The following POLK variants were observed in gnomAD, a reference collection of about 807,000 sequenced individuals.
POLK encodes the protein DNA polymerase kappa.
POLK carries 76 observed loss-of-function variants against 94.0 expected under a neutral mutation model. The observed-to-expected ratio is 0.81, with a 90% CI of 0.67 to 0.98. POLK has a LOEUF of 0.98. POLK is among the 50% of genes least tolerant of loss of function. POLK has a pLI of 0.00. For synonymous variants in POLK, 349 were observed against 325.4 expected (o/e 1.07, Z -0.78); for missense variants, 954 against 1,010.1 (o/e 0.94, Z 0.75).
chr5:75,550,511 G>A (rs933558508), intron 2 of POLK, among the ~76,000 whole-genome samples: 1 of 152,082 alleles, frequency 6.6e-6, no homozygotes, highest in Non-Finnish European at 1.5e-5. Flanking sequence ...TCCTGGAGGT[G>A]GAGGTTGCAG....
chr5:75,577,028 A>G (rs1581062970), intron 6 of POLK, 95 bp downstream of exon 6: 1 of 696,312 alleles, frequency 1.4e-6, no homozygotes, highest in East Asian at 2.9e-5. Flanking sequence ...TAGCCTGCAT[A>G]GGTAGAAGGG....
chr5:75,576,701 A>G, intron 5 of POLK, 79 bp from the exon 6 acceptor site: 1 of 629,786 alleles, frequency 1.6e-6, no homozygotes, highest in Non-Finnish European at 2.5e-6. Context: ...AAGAATATTA[A>G]CATTTCTTAT....
Position 75,583,273 on chromosome 5 carries a change from CAGAGT to C in POLK, c.935-18_935-14del. ...ATACATATCAACTTCTTTGAGTCAT[CAGAGT>C]ATTCTTCTTTTAAGGCATTGCCCCA... On this transcript the variant is annotated splice_polypyrimidine_tract_variant and intron_variant, in intron 7 of 14. Coordinates refer to ENST00000241436, the Ensembl canonical transcript of POLK. 1 of 1,555,108 alleles carries C rather than the reference CAGAGT, an allele frequency of 6.4e-7. No homozygotes were observed. Among genetic ancestry groups the C allele is most frequent in the Non-Finnish European group, 8.7e-7 (1 of 1,149,986 alleles).
At chr5:75,525,188 T>C (rs1302418550) in intron 1 of POLK, among the ~76,000 whole-genome samples, 1 of 152,196 alleles carries the variant, frequency 6.6e-6, no homozygotes, top group African/African-American at 2.4e-5. Context: ...AGTCAACAGA[T>C]GGTAACCCCA....
At chr5:75,541,549 A>G (rs1441868746) in intron 1 of POLK, among the ~76,000 whole-genome samples, 6 of 152,222 alleles carry the variant, frequency 3.9e-5, no homozygotes, top group African/African-American at 1.4e-4. Flanking sequence ...GAAAGGCAGT[A>G]GAAGAGAATA....
upstream of POLK, chr5:75,511,328 G>T (rs539924208): frequency 2.7e-5 from 42 of 1,546,292 alleles, no homozygotes; most frequent in South Asian, 1.8e-4. Context: ...GCTCCGGTGT[G>T]GGGGGGAGCA....
chr5:75,597,996 C>G (rs769457645), exon 15 of POLK: 6 of 1,384,498 alleles, frequency 4.3e-6, no homozygotes, highest in Non-Finnish European at 5.9e-6. Flanking sequence ...CCCAAACATA[C>G]CCTTGATATA....
intron 1 of POLK, among the ~76,000 whole-genome samples, chr5:75,531,310 T>C (rs1178058714): frequency 6.9e-6 from 1 of 145,276 alleles, no homozygotes; most frequent in African/African-American, 2.5e-5. Context: ...CAATATACTA[T>C]ATATATTTAG....
At chr5:75,608,551 C>T in the POLK span, among the ~76,000 whole-genome samples, 2 of 151,978 alleles carry the variant, frequency 1.3e-5, no homozygotes, top group South Asian at 2.1e-4. Flanking sequence ...TTGTGGAAAC[C>T]GACACTAAAC....
intron 3 of POLK, among the ~76,000 whole-genome samples, chr5:75,555,847 A>G (rs528663159): frequency 1.1e-3 from 169 of 152,252 alleles, no homozygotes; most frequent in Non-Finnish European, 1.2e-3. Flanking sequence ...TACCACAGAC[A>G]ATTGAATAAT....
chr5:75,528,344 T>C (rs1459550367), intron 1 of POLK, among the ~76,000 whole-genome samples: 1 of 152,070 alleles, frequency 6.6e-6, no homozygotes, highest in Non-Finnish European at 1.5e-5. Flanking sequence ...TATGAAGAAA[T>C]AGACATAGAA....
chr5:75,557,842 C>T (rs548434508), intron 3 of POLK, among the ~76,000 whole-genome samples: 6 of 152,176 alleles, frequency 3.9e-5, no homozygotes, highest in East Asian at 1.9e-4. Context: ...CAGGCTGCTG[C>T]GTAGTGGGAT....
chr5:75,593,562 T>C (rs1015601948), intron 11 of POLK, among the ~76,000 whole-genome samples: 1 of 152,170 alleles, frequency 6.6e-6, no homozygotes, highest in Non-Finnish European at 1.5e-5. Flanking sequence ...TACAGAATAA[T>C]GTATTCTGGT....
downstream of POLK, among the ~76,000 whole-genome samples, chr5:75,605,466 T>C (rs1018467283): frequency 3.3e-5 from 5 of 152,128 alleles, no homozygotes; most frequent in African/African-American, 1.2e-4. Flanking sequence ...TCAAATCTAG[T>C]TCTCTTTTAT....
the POLK span, chr5:75,609,774 G>C: frequency 6.6e-6 from 1 of 151,870 alleles, no homozygotes; most frequent in African/African-American, 2.4e-5. Flanking sequence ...GGTTATGGGC[G>C]GTGTTCTGAT....
chr5:75,573,935 T>C, intron 5 of POLK, 66 bp downstream of exon 5: 1 of 1,522,836 alleles, frequency 6.6e-7, no homozygotes, highest in South Asian at 1.1e-5. Context: ...GAATCTCAAG[T>C]CCAAGTGCCT....
exon 15 of POLK, chr5:75,600,507 C>G (rs1006437326): frequency 6.6e-6 from 1 of 152,114 alleles, no homozygotes; most frequent in Admixed American, 6.5e-5. Flanking sequence ...CTAACTAATA[C>G]AATGCCTTGG....
At chr5:75,518,807 T>C (rs1021725316) in intron 1 of POLK, among the ~76,000 whole-genome samples, 2 of 152,220 alleles carry the variant, frequency 1.3e-5, no homozygotes, top group African/African-American at 4.8e-5. Flanking sequence ...GATTTTGGTA[T>C]TTTGTGTTTC....
At chr5:75,605,391 TGA>T (rs770375404), downstream of POLK, among the ~76,000 whole-genome samples, 13 of 151,446 alleles carry the variant, frequency 8.6e-5, no homozygotes, top group Non-Finnish European at 1.2e-4. Context: ...ATGGAGAGAG[TGA>T]GAGAGAGAGA....
Sources: allele counts gnomAD v4.1 joint callset (sites outside exome capture counted in the v4.1 genomes callset), GRCh38; gene constraint gnomAD v4.1.1; transcripts MANE v1.5; gene names NCBI Gene and HGNC (gene_info 2026-07-23, HGNC 2026-07-21).